The following PRORP variants were observed in gnomAD, a reference collection of about 807,000 sequenced individuals.
PRORP encodes the protein protein only RNase P catalytic subunit.
PRORP carries 51 observed loss-of-function variants against 59.4 expected under a neutral mutation model. That is an observed-to-expected ratio of 0.86 (90% confidence interval 0.69 to 1.08). The LOEUF is 1.08. Among genes scored for constraint, PRORP ranks in the 50% least tolerant of loss-of-function variants. The probability of loss-of-function intolerance (pLI) is 0.00; values close to 1 mark genes in which losing one functional copy is unlikely to be tolerated. For missense variants in PRORP, 646 were observed against 690.3 expected (o/e 0.94, Z 0.72); for synonymous variants, 231 against 245.6 (o/e 0.94, Z 0.55).
At chr14:35,197,632 C>G (rs2139114448) in intron 5 of PRORP, among the ~76,000 whole-genome samples, 1 of 152,200 alleles carries the variant, frequency 6.6e-6, no homozygotes, top group Admixed American at 6.5e-5. Context: ...GTGATTTAGA[C>G]ATGGCTTTTT....
At chr14:35,158,292 T>C in intron 4 of PRORP, 1 of 244,364 alleles carries the variant, frequency 4.1e-6, no homozygotes. Context: ...TAGTAACATC[T>C]TTCAAATCGT....
intron 5 of PRORP, among the ~76,000 whole-genome samples, chr14:35,208,240 A>T (rs1447988422): frequency 2.0e-5 from 3 of 152,010 alleles, no homozygotes; most frequent in Admixed American, 2.0e-4. Flanking sequence ...TGGTTTTCAT[A>T]GAGTTGACCA....
At chr14:35,268,703 C>T (rs957673203) in intron 6 of PRORP, among the ~76,000 whole-genome samples, 6 of 152,176 alleles carry the variant, frequency 3.9e-5, no homozygotes, top group African/African-American at 1.4e-4. Flanking sequence ...TCAAGCGATT[C>T]TCCTGCCTCA....
intron 6 of PRORP, among the ~76,000 whole-genome samples, chr14:35,269,002 A>G (rs1385174937): frequency 1.3e-5 from 2 of 152,172 alleles, no homozygotes; most frequent in Non-Finnish European, 2.9e-5. Flanking sequence ...TTTTAGCTGG[A>G]AGATGGTGCT....
chr14:35,203,849 C>T (rs1367437033), intron 5 of PRORP, among the ~76,000 whole-genome samples: 1 of 152,026 alleles, frequency 6.6e-6, no homozygotes, highest in Non-Finnish European at 1.5e-5. Context: ...TGGGCGACAG[C>T]GAGACTCCAT....
intron 5 of PRORP, among the ~76,000 whole-genome samples, chr14:35,199,971 G>C (rs1385384313): frequency 6.6e-6 from 1 of 152,174 alleles, no homozygotes; most frequent in Admixed American, 6.5e-5. Flanking sequence ...TTTCTCATCT[G>C]TTGAGGAAAG....
chr14:35,237,693 C>T (rs2050255948), intron 5 of PRORP, among the ~76,000 whole-genome samples: 1 of 152,156 alleles, frequency 6.6e-6, no homozygotes, highest in Non-Finnish European at 1.5e-5. Flanking sequence ...GCGTCTTGCT[C>T]TGTTGCCCAG....
At chr14:35,236,962 TTTC>T (rs932749171) in intron 5 of PRORP, among the ~76,000 whole-genome samples, 41 of 151,904 alleles carry the variant, frequency 2.7e-4, no homozygotes, top group Admixed American at 7.2e-4. Flanking sequence ...TTTTCTTTTC[TTTC>T]TTTTCTTTCC....
At chr14:35,179,457 A>G (rs1422974327) in intron 4 of PRORP, among the ~76,000 whole-genome samples, 2 of 151,910 alleles carry the variant, frequency 1.3e-5, no homozygotes, top group African/African-American at 4.8e-5. Context: ...TTTTTTCTCT[A>G]AACTTCTCAT....
At chr14:35,258,574 G>A (rs1172171074) in intron 5 of PRORP, among the ~76,000 whole-genome samples, 1 of 152,036 alleles carries the variant, frequency 6.6e-6, no homozygotes, top group Non-Finnish European at 1.5e-5. Flanking sequence ...CCAGAAGTCT[G>A]GGCCAAGTGT....
At chr14:35,135,745 G>A (rs2047355224) in intron 4 of PRORP, among the ~76,000 whole-genome samples, 2 of 152,132 alleles carry the variant, frequency 1.3e-5, no homozygotes, top group South Asian at 2.1e-4. Flanking sequence ...AGATCATGAA[G>A]TCAGGAGTTT....
At chr14:35,259,826 C>T (rs1206699886) in intron 5 of PRORP, among the ~76,000 whole-genome samples, 2 of 152,164 alleles carry the variant, frequency 1.3e-5, no homozygotes, top group South Asian at 2.1e-4. Context: ...ACCCGGGAGG[C>T]GGAAGTTGCA....
intron 4 of PRORP, among the ~76,000 whole-genome samples, chr14:35,153,385 A>G (rs2047830764): frequency 7.9e-6 from 1 of 126,808 alleles, no homozygotes; most frequent in Non-Finnish European, 1.7e-5. Flanking sequence ...CGGTGGAAAG[A>G]GAGGGAGAGG....
intron 4 of PRORP, among the ~76,000 whole-genome samples, chr14:35,173,147 C>T (rs182151139): frequency 6.6e-6 from 1 of 152,180 alleles, no homozygotes; most frequent in Admixed American, 6.5e-5. Context: ...GGATTACAGG[C>T]TTGAGCCACT....
At chr14:35,261,598 G>A (rs952069675) in intron 5 of PRORP, among the ~76,000 whole-genome samples, 9 of 152,108 alleles carry the variant, frequency 5.9e-5, no homozygotes, top group East Asian at 5.8e-4. Context: ...GCGTTGTGGC[G>A]GGTGCCTGTA....
chr14:35,129,888 A>G (rs1427047785), intron 4 of PRORP, among the ~76,000 whole-genome samples: 1 of 152,218 alleles, frequency 6.6e-6, no homozygotes, highest in Non-Finnish European at 1.5e-5. Context: ...AAGCAAAAAG[A>G]AAACTAATAA....
intron 5 of PRORP, among the ~76,000 whole-genome samples, chr14:35,228,802 A>G (rs1041418356): frequency 2.6e-5 from 4 of 152,114 alleles, no homozygotes; most frequent in Non-Finnish European, 4.4e-5. Context: ...AAATGATTTT[A>G]TTTTTAATAT....
Position 35,123,674 on chromosome 14 carries a change from G to A in PRORP, c.429G>A (p.Trp143Ter), listed in dbSNP as rs917580002. The change falls in exon 2 of 8, where the codon TGG (tryptophan) becomes TGA (stop). Residue 143 changes from tryptophan (W) to a stop codon, truncating the protein, a stop_gained. Transcript: ENST00000534898. LOFTEE classifies it high-confidence loss of function. The part of the protein sequence containing the change: ...ENTGKTSFES[W>*]IISQMAGCHS... ...CCGGAAAGACCAGTTTCGAAAGTTG[G>A]ATCATTTCACAGATGGCTGGCTGTC... 1 of 1,614,046 alleles carries A rather than the reference G, an allele frequency of 6.2e-7. No individual in the cohort carries two copies. Among genetic ancestry groups the A allele is most frequent in the Admixed American group, 1.7e-5 (1 of 59,996 alleles).
chr14:35,124,271 ATTTT>A, intron 2 of PRORP, 40 bp downstream of exon 2: 1 of 1,140,264 alleles, frequency 8.8e-7, no homozygotes, highest in Non-Finnish European at 1.2e-6. Context: ...TTATTCTTTA[ATTTT>A]TTTTTTTTTT....
Sources: gnomAD v4.1 joint callset for allele counts (sites outside exome capture counted in the v4.1 genomes callset) on GRCh38, gnomAD v4.1.1 for gene constraint, MANE v1.5 for transcripts, NCBI Gene and HGNC (gene_info 2026-07-23, HGNC 2026-07-21) for gene names.